IRAG2: variants seen among roughly 807,000 people sequenced by gnomAD.
The protein encoded by IRAG2 is lymphoid restricted membrane protein.
In IRAG2, 45 loss-of-function variants were observed where a neutral mutation model predicts 69.9. That is an observed-to-expected ratio of 0.64 (90% CI 0.51 to 0.83). The LOEUF (loss-of-function observed/expected upper bound fraction) is 0.83, where lower values mean the gene tolerates loss of function less well. Among genes scored for constraint, IRAG2 ranks in the 40% least tolerant of loss-of-function variants. The pLI, the probability that IRAG2 is intolerant of heterozygous loss-of-function variation, is 0.00. For missense variants in IRAG2, 520 were observed against 587.0 expected (o/e 0.89, Z 1.18); for synonymous variants, 193 against 202.4 (o/e 0.95, Z 0.40).
At chr12:25,099,429 C>T (rs986514580) in intron 15 of IRAG2, among the ~76,000 whole-genome samples, 2 of 152,182 alleles carry the variant, frequency 1.3e-5, no homozygotes, top group African/African-American at 4.8e-5. Context: ...ATCCTATTGG[C>T]TGAATTGTCA....
chr12:25,093,380 G>A (rs1592076807), intron 14 of IRAG2: 2 of 153,206 alleles, frequency 1.3e-5, no homozygotes, highest in African/African-American at 4.8e-5. Context: ...TGACTGAGTC[G>A]GCTGGTTTCT....
intron 2 of IRAG2, among the ~76,000 whole-genome samples, chr12:25,007,321 A>G (rs1038604396): frequency 1.3e-5 from 2 of 152,202 alleles, no homozygotes; most frequent in Admixed American, 6.5e-5. Flanking sequence ...AAAGTAATAT[A>G]CTTTTCTAAT....
intron 16 of IRAG2, among the ~76,000 whole-genome samples, chr12:25,038,732 A>G (rs859200): frequency 0.039 from 5,981 of 152,248 alleles, 201 homozygotes; most frequent in African/African-American, 0.099. Flanking sequence ...ATCTTTTACC[A>G]GAAGAAGCCT....
At chr12:25,032,150 A>G (rs1944673048) in exon 11 of IRAG2, 1 of 399,002 alleles carries the variant, frequency 2.5e-6, no homozygotes, top group Non-Finnish European at 4.4e-6. Context: ...AGAAAGGCTT[A>G]TATATAGAAG....
intron 2 of IRAG2, among the ~76,000 whole-genome samples, 181 bp from the exon 3 acceptor site, chr12:25,062,639 G>A (rs942966790): frequency 6.6e-6 from 1 of 152,202 alleles, no homozygotes; most frequent in African/African-American, 2.4e-5. Context: ...AAGTAATGGG[G>A]CAAATACAAT....
intron 1 of IRAG2, chr12:25,005,113 T>C: frequency 2.0e-6 from 1 of 498,862 alleles, no homozygotes; most frequent in Non-Finnish European, 3.1e-6. Flanking sequence ...TAGGGGAATA[T>C]TTCCCTATAT....
chr12:25,060,865 G>A (rs964048796), intron 1 of IRAG2, among the ~76,000 whole-genome samples: 18 of 150,774 alleles, frequency 1.2e-4, no homozygotes, highest in African/African-American at 4.1e-4. Context: ...ATGGGGTTTT[G>A]TCCTGTTGGC....
chr12:25,011,143 C>T (rs1944471642), intron 2 of IRAG2, among the ~76,000 whole-genome samples: 1 of 152,102 alleles, frequency 6.6e-6, no homozygotes, highest in Non-Finnish European at 1.5e-5. Flanking sequence ...GTTAATATTC[C>T]CAAAGCTACA....
At chr12:25,015,118 A>AT in intron 3 of IRAG2, 2 of 450,240 alleles carry the variant, frequency 4.4e-6, no homozygotes, top group Non-Finnish European at 6.1e-6. Flanking sequence ...AAAAAGACAA[A>AT]ACTTGGTCAG....
intron 1 of IRAG2, chr12:25,005,146 T>C (rs1944421187): frequency 1.8e-6 from 1 of 569,542 alleles, no homozygotes. Context: ...CTGTTTATTA[T>C]GATAGGTTTT....
At chr12:25,027,530 G>A (rs1027024001) in intron 9 of IRAG2, among the ~76,000 whole-genome samples, 2 of 151,756 alleles carry the variant, frequency 1.3e-5, no homozygotes, top group Non-Finnish European at 2.9e-5. Context: ...GAGTAGCTGG[G>A]CCTACAGGCA....
chr12:25,004,661 C>T (rs1053336024), exon 1 of IRAG2: 127 of 1,232,054 alleles, frequency 1.0e-4, no homozygotes, highest in Non-Finnish European at 1.2e-4. Flanking sequence ...TCCCCTGAGA[C>T]TGCAACATAC....
intron 7 of IRAG2, chr12:25,023,859 A>G: frequency 8.3e-7 from 1 of 1,201,244 alleles, no homozygotes; most frequent in Non-Finnish European, 1.0e-6. Context: ...TATTTTTCTC[A>G]CAATGAATTA....
intron 9 of IRAG2, among the ~76,000 whole-genome samples, chr12:25,029,092 T>C (rs1480656810): frequency 6.6e-6 from 1 of 152,090 alleles, no homozygotes; most frequent in East Asian, 1.9e-4. Context: ...CCATGCCCAG[T>C]TAATTTATTT....
At chr12:25,104,793 T>C (rs919982487) in intron 20 of IRAG2, among the ~76,000 whole-genome samples, 1 of 152,160 alleles carries the variant, frequency 6.6e-6, no homozygotes, top group African/African-American at 2.4e-5. Flanking sequence ...AAAATGTCCA[T>C]CTATTTATAT....
rs1470623059 is a variant in IRAG2 at position 25,077,308 on chromosome 12, G to GATATATATGAT, written c.25-1914_25-1904dup. Among the ~76,000 whole-genome samples the GATATATATGAT allele has an allele frequency of 2.8e-4, 5 of 17,674 alleles. 1 individual carries two copies. The highest frequency in any genetic ancestry group is 5.3e-4 in the African/African-American group (3 of 5,646). 11.6% of individuals were successfully genotyped at this position (17,674 alleles called of 152,430 possible). ...TATGATATATATATGAAATATATAT[G>GATATATATGAT]ATATATATGATATATATATGATATA... On this transcript the variant is annotated intron_variant, in intron 6 of 21. Coordinates refer to ENST00000556887, the MANE Select transcript of IRAG2 (RefSeq NM_001366544.2).
At chr12:25,043,953 T>A (rs555519865) in intron 16 of IRAG2, among the ~76,000 whole-genome samples, 2 of 152,152 alleles carry the variant, frequency 1.3e-5, no homozygotes, top group South Asian at 4.2e-4. Context: ...CAGAAGAAAA[T>A]GCCTGTGCAA....
intron 10 of IRAG2, among the ~76,000 whole-genome samples, chr12:25,086,590 A>T (rs948807340): frequency 1.3e-5 from 2 of 152,308 alleles, no homozygotes; most frequent in African/African-American, 4.8e-5. Flanking sequence ...GGAAGGGAGC[A>T]TTGAGGATAA....
At chr12:25,039,666 G>A (rs555548216) in intron 16 of IRAG2, among the ~76,000 whole-genome samples, 44 of 152,262 alleles carry the variant, frequency 2.9e-4, no homozygotes, top group African/African-American at 9.9e-4. Flanking sequence ...TCCTGACCTC[G>A]TGATCCGCCC....
Sources: allele counts gnomAD v4.1 joint callset (sites outside exome capture counted in the v4.1 genomes callset), GRCh38; gene constraint gnomAD v4.1.1; transcripts MANE v1.5; gene names NCBI Gene and HGNC (gene_info 2026-07-23, HGNC 2026-07-21).